The following CEP70 variants were observed in gnomAD, a reference collection of about 807,000 sequenced individuals.
CEP70 encodes the protein centrosomal protein of 70 kDa.
In CEP70, 70 loss-of-function variants were observed where a neutral mutation model predicts 90.9. The observed-to-expected ratio is 0.77, with a 90% confidence interval of 0.64 to 0.94. The LOEUF (loss-of-function observed/expected upper bound fraction) is 0.94. Among genes scored for constraint, CEP70 ranks in the 40% least tolerant of loss-of-function variants. The pLI is 0.00. For synonymous variants in CEP70, 220 were observed against 228.3 expected, an observed-to-expected ratio of 0.96 and a Z score of 0.33; for missense variants, 648 against 669.0, an observed-to-expected ratio of 0.97 and a Z score of 0.35.
chr3:138,535,624 T>G (rs577155881), intron 7 of CEP70, among the ~76,000 whole-genome samples: 1 of 152,322 alleles, frequency 6.6e-6, no homozygotes, highest in Non-Finnish European at 1.5e-5. Flanking sequence ...AACTGAAAGT[T>G]TGCATTGACA....
Position 138,496,002 on chromosome 3 carries a change from T to C in CEP70, c.1733-926A>G, listed in dbSNP as rs1560264216. 3.0e-6 allele frequency: 3 copies of C among 985,420 alleles called. No homozygotes were observed. The South Asian group carries it at 1.4e-4, about 46-fold the overall frequency. The allele number at this position is 985,420 out of a possible 1,614,324, so 61.0% of individuals were successfully genotyped here. ...TGACAGGCTCTTTCTGAATTTGATT[T>C]TTCTTCCTAAGACTATCTTATTCCA... On this transcript the variant is annotated intron_variant, in intron 17 of 17. Transcript: ENST00000264982.
chr3:138,527,294 C>T (rs1185680745), intron 10 of CEP70, among the ~76,000 whole-genome samples: 2 of 150,580 alleles, frequency 1.3e-5, no homozygotes, highest in Admixed American at 6.6e-5. Context: ...TCCTTAGTAG[C>T]TGGGACTGCA....
chr3:138,504,978 C>G (rs1005842642), intron 13 of CEP70, among the ~76,000 whole-genome samples: 2 of 152,052 alleles, frequency 1.3e-5, no homozygotes, highest in African/African-American at 2.4e-5. Flanking sequence ...GAAGGTAGAA[C>G]AGGGAAGGGC....
chr3:138,505,220 T>G lies in CEP70; in HGVS notation c.1221+75A>C, dbSNP rs2034868961. 10 of 1,161,004 alleles carry G rather than the reference T, an allele frequency of 8.6e-6. No homozygotes were observed. In the South Asian group the frequency reaches 2.4e-4, roughly 28 times the overall value. The allele number at this position is 1,161,004 out of a possible 1,614,324, so 71.9% of individuals were successfully genotyped here. On this transcript the variant is annotated intron_variant, in intron 13 of 17. Coordinates refer to ENST00000264982, the MANE Select transcript of CEP70 (RefSeq NM_024491.4). ...TTAAACCCTATTTAATTTTTAGCCC[T>G]GAATTAAGTCCTATTAATAAAGCAC...
chr3:138,581,944 G>A (rs766776382), intron 2 of CEP70, among the ~76,000 whole-genome samples: 11 of 152,040 alleles, frequency 7.2e-5, no homozygotes, highest in East Asian at 5.8e-4. Flanking sequence ...ATGGAGCTCC[G>A]TATAGGCCAA....
chr3:138,537,691 A>G (rs2038404463), intron 6 of CEP70, among the ~76,000 whole-genome samples: 1 of 152,172 alleles, frequency 6.6e-6, no homozygotes, highest in African/African-American at 2.4e-5. Flanking sequence ...AAGAATCAAT[A>G]TTAATTGGGG....
chr3:138,588,832 A>G (rs768582259), intron 2 of CEP70, among the ~76,000 whole-genome samples: 1 of 152,228 alleles, frequency 6.6e-6, no homozygotes, highest in Non-Finnish European at 1.5e-5. Flanking sequence ...AAACAACTCA[A>G]ATGTCCAGCA....
chr3:138,592,372 A>G (rs893799103), intron 1 of CEP70, among the ~76,000 whole-genome samples: 6 of 152,218 alleles, frequency 3.9e-5, no homozygotes, highest in African/African-American at 1.4e-4. Context: ...TTTTCAGAGG[A>G]CCATTCTGTG....
chr3:138,518,890 A>C (rs1376937689), intron 11 of CEP70, among the ~76,000 whole-genome samples: 1 of 152,192 alleles, frequency 6.6e-6, no homozygotes, highest in Non-Finnish European at 1.5e-5. Context: ...CTCCGAGCTA[A>C]AGGAGGAAGT....
At position 138,529,371 on chromosome 3, in the gene CEP70, A is replaced by G. The variant is rs868679665; in HGVS notation, c.780+4T>C. ...AGTATTTATTAGTTATGCAGTCCCC[A>G]TACCATTAAAAGGCCTTTATAAGTT... is the stretch of plus-strand genomic sequence containing the variant. On this transcript the variant is annotated splice_donor_region_variant and intron_variant, in intron 9 of 17. Coordinates refer to ENST00000264982, the MANE Select transcript of CEP70 (RefSeq NM_024491.4). 1 of 1,597,444 alleles carries G rather than the reference A, an allele frequency of 6.3e-7. No individual in the cohort carries two copies. Among genetic ancestry groups the G allele is most frequent in the Middle Eastern group, 1.7e-4 (1 of 6,010 alleles).
intron 13 of CEP70, among the ~76,000 whole-genome samples, chr3:138,504,174 T>A (rs964625250): frequency 6.6e-6 from 1 of 152,206 alleles, no homozygotes; most frequent in Non-Finnish European, 1.5e-5. Context: ...TTTACACTAT[T>A]ACTAATTATT....
At chr3:138,587,487 T>C (rs1236220249) in intron 2 of CEP70, among the ~76,000 whole-genome samples, 1 of 151,862 alleles carries the variant, frequency 6.6e-6, no homozygotes, top group Admixed American at 6.6e-5. Flanking sequence ...ACAAAACAAC[T>C]TTGAAAAAGA....
intron 2 of CEP70, among the ~76,000 whole-genome samples, chr3:138,586,484 C>T (rs2042111996): frequency 1.3e-5 from 2 of 152,170 alleles, no homozygotes; most frequent in Non-Finnish European, 2.9e-5. Flanking sequence ...TAATGGAGTA[C>T]TACTCAGCCA....
At chr3:138,574,050 G>A (rs1051870790) in intron 2 of CEP70, among the ~76,000 whole-genome samples, 2 of 152,072 alleles carry the variant, frequency 1.3e-5, no homozygotes, top group Non-Finnish European at 1.5e-5. Flanking sequence ...TGATTTCTGC[G>A]TTTCCAACTG....
At chr3:138,538,548 C>G (rs2038482121) in intron 6 of CEP70, among the ~76,000 whole-genome samples, 1 of 152,008 alleles carries the variant, frequency 6.6e-6, no homozygotes, top group Non-Finnish European at 1.5e-5. Context: ...CAAGAAAAAC[C>G]CAAACAAGCC....
In CEP70 at chr3:138,500,388, T is replaced by A. The variant is rs373085659; in HGVS notation, c.1537+11A>T. 6.4e-7 allele frequency: 1 copy of A among 1,566,082 alleles called. No homozygotes were observed. Among genetic ancestry groups the A allele is most frequent in the African/African-American group, 1.4e-5 (1 of 72,352 alleles). ...TAAATGGGGGCCCAAAATGACAAAT[T>A]AGGTCATCACCTAATTCTAAGAGTT... On this transcript the variant is annotated intron_variant, in intron 15 of 17. Coordinates refer to ENST00000264982, the MANE Select transcript of CEP70 (RefSeq NM_024491.4).
chr3:138,553,626 G>A (rs879095371), intron 6 of CEP70, among the ~76,000 whole-genome samples: 2 of 152,042 alleles, frequency 1.3e-5, no homozygotes, highest in Admixed American at 1.3e-4. Context: ...TATAAAGAAA[G>A]TATCACCCTA....
chr3:138,501,540 A>G (rs2034510706), intron 13 of CEP70, among the ~76,000 whole-genome samples: 1 of 152,188 alleles, frequency 6.6e-6, no homozygotes, highest in South Asian at 2.1e-4. Context: ...GAATTATACA[A>G]TAAGTAGTCT....
At chr3:138,562,900 A>C (rs970072442) in intron 6 of CEP70, among the ~76,000 whole-genome samples, 1 of 152,162 alleles carries the variant, frequency 6.6e-6, no homozygotes, top group African/African-American at 2.4e-5. Flanking sequence ...CTTAAAAGAC[A>C]CAGATTGGCA....
Sources: gnomAD v4.1 joint callset for allele counts (sites outside exome capture counted in the v4.1 genomes callset) on GRCh38, gnomAD v4.1.1 for gene constraint, MANE v1.5 for transcripts, NCBI Gene and HGNC (gene_info 2026-07-23, HGNC 2026-07-21) for gene names.